Variants in CDH19 observed in about 807,000 individuals in gnomAD.
The protein encoded by CDH19 is cadherin 19.
A neutral mutation model predicts 64.2 loss-of-function variants in CDH19; 67 were observed. The ratio of observed to expected loss-of-function variants is 1.04; its 90% CI spans 0.86 to 1.28. The LOEUF is 1.28. Ranked by LOEUF, CDH19 falls within the 50% of genes most tolerant of loss-of-function variation. The probability of loss-of-function intolerance (pLI) is 0.00; values close to 1 mark genes in which losing one functional copy is unlikely to be tolerated. For missense variants in CDH19, 1,030 were observed against 929.0 expected, an observed-to-expected ratio of 1.11 and a Z score of -1.41; for synonymous variants, 346 against 319.3, an observed-to-expected ratio of 1.08 and a Z score of -0.89.
intron 4 of CDH19, among the ~76,000 whole-genome samples, chr18:66,554,009 TGGTTTTA>T (rs1987427175): frequency 1.1e-5 from 1 of 88,794 alleles, no homozygotes. Context: ...TATTTCATTG[TGGTTTTA>T]GTTTGTATTC....
At chr18:66,524,782 A>G (rs766890619) in intron 9 of CDH19, among the ~76,000 whole-genome samples, 7 of 151,962 alleles carry the variant, frequency 4.6e-5, no homozygotes, top group Non-Finnish European at 1.0e-4. Context: ...TCTTACCAAC[A>G]GTCTCTAAAT....
At chr18:66,509,462 T>C (rs559623375) in intron 10 of CDH19, among the ~76,000 whole-genome samples, 9 of 151,820 alleles carry the variant, frequency 5.9e-5, no homozygotes, top group Non-Finnish European at 1.0e-4. Context: ...TCAGATGAAT[T>C]ATTTAAATTA....
Position 66,541,603 on chromosome 18 carries a change from T to C in CDH19, c.1214+2368A>G, listed in dbSNP as rs185345782. Among the ~76,000 whole-genome samples, 259 of 152,218 alleles carry C rather than the reference T, an allele frequency of 1.7e-3. 4 individuals are homozygous for C. Among genetic ancestry groups the C allele is most frequent in the African/African-American group, 5.9e-3 (246 of 41,556 alleles). ...ATGTTTGTTAAATCAAGCTATATCATATGAAAAAAATCAACAATATCAACA... is the reference window on the plus strand; with the variant it reads ...ATGTTTGTTAAATCAAGCTATATCACATGAAAAAAATCAACAATATCAACA... On this transcript the variant is annotated intron_variant, in intron 7 of 11. Transcript: ENST00000262150.
chr18:66,522,187 A>C (rs902453900), intron 9 of CDH19, among the ~76,000 whole-genome samples: 30 of 149,298 alleles, frequency 2.0e-4, no homozygotes, highest in Non-Finnish European at 3.7e-4. Context: ...TGACCTCCTG[A>C]TCCGCCCGCC....
At position 66,505,271 on chromosome 18, in the gene CDH19, T is replaced by C. The variant is rs769102066; in HGVS notation, c.1860A>G (p.Gln620=). 1 of 1,579,408 alleles carries C rather than the reference T, an allele frequency of 6.3e-7. No homozygotes were observed. Among genetic ancestry groups the C allele is most frequent in the East Asian group, 2.2e-5 (1 of 44,722 alleles). The change falls in exon 12 of 12, where the codon CAA becomes CAG. Residue 620 remains glutamine, a synonymous_variant. Transcript: ENST00000262150. ...GFIFLTLGLK[Q]RRKQILFPEK... ...CAGGAAATAGAATCTGTTTTCTCCG[T>C]TGTTTTAAACCCAAAGTCAAAAAAA... is the stretch of plus-strand genomic sequence containing the variant.
intron 4 of CDH19, among the ~76,000 whole-genome samples, chr18:66,553,291 C>T (rs1468661755): frequency 7.5e-6 from 1 of 134,044 alleles, no homozygotes; most frequent in East Asian, 1.9e-4. Flanking sequence ...GGTACATATT[C>T]AGCCTTTCTA....
intron 9 of CDH19, among the ~76,000 whole-genome samples, chr18:66,513,891 C>A (rs1039361314): frequency 6.6e-6 from 1 of 151,302 alleles, no homozygotes; most frequent in African/African-American, 2.4e-5. Context: ...GAATGTTGGC[C>A]AATTTATTTC....
chr18:66,571,320 A>G (rs965089914), intron 2 of CDH19, among the ~76,000 whole-genome samples: 2 of 151,646 alleles, frequency 1.3e-5, no homozygotes, highest in African/African-American at 4.8e-5. Flanking sequence ...TTTGGGCCCA[A>G]TTAAATTTTA....
intron 11 of CDH19, 104 bp from the exon 12 acceptor site, chr18:66,505,406 T>C: frequency 1.1e-6 from 1 of 879,838 alleles, no homozygotes; most frequent in East Asian, 2.9e-5. Context: ...TTAAACTTTA[T>C]GATTATAAAA....
chr18:66,541,929 C>T (rs749901852), intron 7 of CDH19, among the ~76,000 whole-genome samples: 37 of 152,048 alleles, frequency 2.4e-4, no homozygotes, highest in Admixed American at 5.9e-4. Context: ...AGTAAGCATG[C>T]AATTCTTCAT....
chr18:66,569,623 T>C (rs1160544375), intron 2 of CDH19, among the ~76,000 whole-genome samples: 1 of 151,702 alleles, frequency 6.6e-6, no homozygotes, highest in African/African-American at 2.4e-5. Context: ...TGTTGAGGTA[T>C]TATTTAGAAT....
chr18:66,559,654 A>G (rs1352818042), intron 3 of CDH19, among the ~76,000 whole-genome samples: 1 of 149,502 alleles, frequency 6.7e-6, no homozygotes, highest in Non-Finnish European at 1.5e-5. Context: ...AATGTTATAT[A>G]AAAGTGCATT....
intron 1 of CDH19, among the ~76,000 whole-genome samples, chr18:66,588,518 C>T (rs987785079): frequency 6.6e-6 from 1 of 150,810 alleles, no homozygotes; most frequent in Admixed American, 6.6e-5. Context: ...ACATTCATTT[C>T]TTGATTTAAC....
In CDH19 at chr18:66,596,955, G is replaced by A. The variant is rs1054197610; in HGVS notation, c.-113+6999C>T. Among the ~76,000 whole-genome samples, 160 of 146,736 alleles carry A rather than the reference G, an allele frequency of 1.1e-3. 1 individual carries two copies. The South Asian group carries it at 0.019, about 18-fold the overall frequency. ...AAATTAGCCGGGCGTAGTGGCGGGC[G>A]CCTGTAGTCCCAGCTACTTGGGAGG... On this transcript the variant is annotated intron_variant, in intron 1 of 11. Transcript: ENST00000262150.
In CDH19 at chr18:66,502,842, A is replaced by T. The variant is rs1447798189; in HGVS notation, c.*1970T>A. The T allele has an allele frequency of 2.0e-5, 3 of 151,930 alleles. No homozygotes were observed. The allele number at this position is 151,930 out of a possible 1,614,324, so 9.4% of individuals were successfully genotyped here. Reference sequence around the variant, plus strand: ...TCCACTTTTAATATCTTCCTAAATTATTTCACTTCAAATCTGGTTTTCTCA... The same window carrying T: ...TCCACTTTTAATATCTTCCTAAATTTTTTCACTTCAAATCTGGTTTTCTCA... On this transcript the variant is annotated 3_prime_UTR_variant, in exon 12 of 12. Coordinates refer to ENST00000262150, the MANE Select transcript of CDH19 (RefSeq NM_021153.4).
intron 1 of CDH19, among the ~76,000 whole-genome samples, chr18:66,581,939 G>C (rs917536699): frequency 3.3e-5 from 5 of 151,928 alleles, no homozygotes; most frequent in Non-Finnish European, 7.4e-5. Context: ...CCATATGCTA[G>C]GACTTATATT....
intron 8 of CDH19, among the ~76,000 whole-genome samples, chr18:66,530,974 T>C (rs1480994126): frequency 2.6e-5 from 4 of 152,148 alleles, no homozygotes; most frequent in Admixed American, 2.0e-4. Context: ...GTTATCATAA[T>C]GTTCACACAG....
At chr18:66,562,041 G>C (rs1987741735) in intron 3 of CDH19, among the ~76,000 whole-genome samples, 1 of 151,968 alleles carries the variant, frequency 6.6e-6, no homozygotes, top group South Asian at 2.1e-4. Context: ...ATTCTTTGCA[G>C]AAACTTATTG....
chr18:66,568,650 C>A lies in CDH19; in HGVS notation c.256G>T (p.Ala86Ser), dbSNP rs766621628. 6.2e-7 allele frequency: 1 copy of A among 1,611,296 alleles called. No homozygotes were observed. The highest frequency in any genetic ancestry group is 2.2e-5 in the East Asian group (1 of 44,810). ...TCATCAATGATAAAAGTACTTCCAG[C>A]TCCAGCTCCCAAAAGCTTGTACTGG... Reference protein sequence around the residue: ...SFQYKLLGAGAGSTFIIDERT... With the variant: ...SFQYKLLGAGSGSTFIIDERT... The change falls in exon 3 of 12, where the codon GCT becomes TCT. Residue 86 changes from alanine (A) to serine (S), a missense_variant. By Grantham distance (99) the Ala-to-Ser change is moderately conservative (BLOSUM62 1). Coordinates refer to ENST00000262150, the MANE Select transcript of CDH19 (RefSeq NM_021153.4).
Sources: allele counts gnomAD v4.1 joint callset (sites outside exome capture counted in the v4.1 genomes callset), GRCh38; gene constraint gnomAD v4.1.1; transcripts MANE v1.5; gene names NCBI Gene and HGNC (gene_info 2026-07-23, HGNC 2026-07-21).